ZNF322: variants seen among roughly 807,000 people sequenced by gnomAD.
ZNF322 encodes the protein HLA complex group 12.
In ZNF322, 1 loss-of-function variant was observed where a neutral mutation model predicts 18.3. The ratio of observed to expected loss-of-function variants is 0.05; its 90% CI spans 0.02 to 0.26. The LOEUF (loss-of-function observed/expected upper bound fraction) is 0.26, where lower values mean the gene tolerates loss of function less well. Among genes scored for constraint, ZNF322 ranks in the 10% least tolerant of loss-of-function variants. The pLI is 1.00. For missense variants in ZNF322, 36 were observed against 403.6 expected (o/e 0.09, Z 7.80); for synonymous variants, 17 against 130.7 (o/e 0.13, Z 5.93).
intron 2 of ZNF322, among the ~76,000 whole-genome samples, chr6:26,644,027 G>A (rs1404638098): frequency 5.3e-5 from 8 of 152,108 alleles, no homozygotes; most frequent in African/African-American, 1.7e-4. Flanking sequence ...TTGAAAACAC[G>A]AAGGCATTAT....
At chr6:26,641,600 T>C (rs1271561663) in intron 3 of ZNF322, among the ~76,000 whole-genome samples, 1 of 152,236 alleles carries the variant, frequency 6.6e-6, no homozygotes, top group Non-Finnish European at 1.5e-5. Flanking sequence ...CTTGAGGTGC[T>C]GTTAATCTGT....
Position 26,638,272 on chromosome 6 carries a change from A to C in ZNF322, c.282T>G (p.Asn94Lys). The change falls in exon 4 of 4, where the codon AAT becomes AAG. Residue 94 changes from asparagine (N) to lysine (K), a missense_variant. Coordinates refer to ENST00000415922, the MANE Select transcript of ZNF322 (RefSeq NM_024639.5). ...TGCTACATTTATAAGGTTTCTCGTA[A>C]TTGTGGATCCTCTGGTGTGAAGTAA... ...SDLTSHQRIH[N>K]YEKPYKCSKC... 7 of 1,613,646 alleles carry C rather than the reference A, an allele frequency of 4.3e-6. No individual in the cohort carries two copies. The highest frequency in any genetic ancestry group is 5.9e-6 in the Non-Finnish European group (7 of 1,179,712).
At position 26,649,688 on chromosome 6, in the gene ZNF322, TATATATA is replaced by T. The variant is rs1561924906; in HGVS notation, c.-245-5967_-245-5961del. 7.3e-4 allele frequency among the ~76,000 whole-genome samples: 62 copies of T among 85,478 alleles called. 2 individuals are homozygous for T. Among genetic ancestry groups the T allele is most frequent in the Middle Eastern group, 5.0e-3 (1 of 202 alleles). The allele number at this position is 85,478 out of a possible 152,430, so 56.1% of individuals were successfully genotyped here. ...GTGTGTGTGTGTGTATATATATATA[TATATATA>T]TATATATTTTTTTTTTTTTTTTTTT... is the stretch of plus-strand genomic sequence containing the variant. On this transcript the variant is annotated intron_variant, in intron 2 of 3. Transcript: ENST00000415922.
At chr6:26,649,949 C>T (rs921035700) in intron 2 of ZNF322, among the ~76,000 whole-genome samples, 22 of 151,218 alleles carry the variant, frequency 1.5e-4, no homozygotes, top group African/African-American at 3.6e-4. Flanking sequence ...GTGATCTGCC[C>T]GCCTCAGCCT....
chr6:26,658,844 G>A (rs1281934605), intron 1 of ZNF322, 198 bp from the exon 2 acceptor site: 1 of 152,074 alleles, frequency 6.6e-6, no homozygotes, highest in East Asian at 1.9e-4. Context: ...CATCAGTTCC[G>A]ACCAGCTCTA....
chr6:26,653,405 A>G (rs1765709289), intron 2 of ZNF322, among the ~76,000 whole-genome samples: 1 of 152,220 alleles, frequency 6.6e-6, no homozygotes, highest in African/African-American at 2.4e-5. Flanking sequence ...CAATAACATG[A>G]AAATATAAAG....
chr6:26,654,606 T>C (rs1765731797), intron 2 of ZNF322, among the ~76,000 whole-genome samples: 2 of 151,856 alleles, frequency 1.3e-5, no homozygotes, highest in African/African-American at 4.8e-5. Context: ...ATAACAGTAA[T>C]AAATTAGTCA....
chr6:26,641,919 G>C (rs554511151), intron 3 of ZNF322, among the ~76,000 whole-genome samples: 1 of 152,238 alleles, frequency 6.6e-6, no homozygotes, highest in Non-Finnish European at 1.5e-5. Context: ...TAAAGGGTCT[G>C]TGCTGAGGAG....
intron 2 of ZNF322, among the ~76,000 whole-genome samples, chr6:26,645,436 C>CT (rs1346815136): frequency 6.6e-6 from 1 of 151,710 alleles, no homozygotes; most frequent in Non-Finnish European, 1.5e-5. Flanking sequence ...AAAACCCACT[C>CT]TAAGTACAAA....
chr6:26,651,131 T>C (rs1325714490), intron 2 of ZNF322, among the ~76,000 whole-genome samples: 1 of 150,568 alleles, frequency 6.6e-6, no homozygotes, highest in Non-Finnish European at 1.5e-5. Context: ...AGTCCAAAAA[T>C]ATACCCATAT....
intron 2 of ZNF322, among the ~76,000 whole-genome samples, chr6:26,655,376 AC>A (rs1765750845): frequency 6.6e-6 from 1 of 152,222 alleles, no homozygotes. Context: ...TAAATATACA[AC>A]TGAATATTTA....
intron 3 of ZNF322, among the ~76,000 whole-genome samples, chr6:26,639,956 T>G (rs529052728): frequency 5.9e-5 from 9 of 152,298 alleles, no homozygotes; most frequent in African/African-American, 1.9e-4. Context: ...CCTTGCTCAA[T>G]CTAAGGATAG....
At chr6:26,656,424 A>G (rs989895555) in intron 2 of ZNF322, among the ~76,000 whole-genome samples, 2 of 152,216 alleles carry the variant, frequency 1.3e-5, no homozygotes, top group South Asian at 4.1e-4. Context: ...CACATGCACA[A>G]AACCACTAAC....
chr6:26,658,152 T>C (rs1765814918), intron 2 of ZNF322, among the ~76,000 whole-genome samples: 3 of 152,158 alleles, frequency 2.0e-5, no homozygotes, highest in Admixed American at 2.0e-4. Context: ...TAGGTATTAA[T>C]ACCAGTGTTT....
At position 26,634,474 on chromosome 6, in the gene ZNF322, T is replaced by G. The variant is rs1288693355; in HGVS notation, c.*2871A>C. On this transcript the variant is annotated 3_prime_UTR_variant, in exon 4 of 4. Transcript: ENST00000415922. The stretch of plus-strand genomic sequence containing the variant: ...TACATCAACTGAATACAAGTTGTCT[T>G]GTTTGGTCTGAAATCTTGAAAAAGT... 1 of 149,716 alleles carries G rather than the reference T, an allele frequency of 6.7e-6. No individual in the cohort carries two copies. The highest frequency in any genetic ancestry group is 1.5e-5 in the Non-Finnish European group (1 of 67,524). The allele number at this position is 149,716 out of a possible 1,614,324, so 9.3% of individuals were successfully genotyped here.
intron 2 of ZNF322, among the ~76,000 whole-genome samples, chr6:26,647,964 A>T (rs1765586519): frequency 6.6e-6 from 1 of 151,780 alleles, no homozygotes; most frequent in African/African-American, 2.4e-5. Context: ...CTGTAGCCTC[A>T]AGCTCCTAGG....
At position 26,649,701 on chromosome 6, in the gene ZNF322, A is replaced by ATTTT. The variant is rs1321909101; in HGVS notation, c.-245-5977_-245-5974dup. 4.7e-4 allele frequency among the ~76,000 whole-genome samples: 36 copies of ATTTT among 76,804 alleles called. 1 individual carries two copies. Among genetic ancestry groups the ATTTT allele is most frequent in the East Asian group, 1.2e-3 (3 of 2,532 alleles). The allele number at this position is 76,804 out of a possible 152,430, so 50.4% of individuals were successfully genotyped here. A position where few individuals can be genotyped will look rare whatever the true frequency, so the allele number is the denominator to read the frequency against. On this transcript the variant is annotated intron_variant, in intron 2 of 3. Transcript: ENST00000415922. ...TATATATATATATATATATATATAT[A>ATTTT]TTTTTTTTTTTTTTTTTTTGAGACT...
intron 3 of ZNF322, among the ~76,000 whole-genome samples, chr6:26,640,903 G>A (rs1397657887): frequency 1.3e-5 from 2 of 152,190 alleles, no homozygotes; most frequent in Non-Finnish European, 2.9e-5. Flanking sequence ...CTAGATATTA[G>A]ATTGGAGCCT....
intron 2 of ZNF322, among the ~76,000 whole-genome samples, chr6:26,648,883 A>G (rs1765602261): frequency 6.6e-6 from 1 of 152,268 alleles, no homozygotes; most frequent in African/African-American, 2.4e-5. Context: ...TGCAATCTCA[A>G]TAAAAATAAC....
Sources: gnomAD v4.1 joint callset for allele counts (sites outside exome capture counted in the v4.1 genomes callset) on GRCh38, gnomAD v4.1.1 for gene constraint, MANE v1.5 for transcripts, NCBI Gene and HGNC (gene_info 2026-07-23, HGNC 2026-07-21) for gene names.